Variants in AJUBA observed in about 807,000 individuals in gnomAD.
AJUBA encodes LIM domain-containing protein ajuba.
A neutral mutation model predicts 53.3 loss-of-function variants in AJUBA; 20 were observed. The ratio of observed to expected loss-of-function variants is 0.38; its 90% CI spans 0.26 to 0.55. The LOEUF is 0.55. Ranked by LOEUF, AJUBA falls within the 20% of genes least tolerant of loss-of-function variation. AJUBA has a pLI of 0.80. For missense variants in AJUBA, 580 were observed against 730.5 expected, an observed-to-expected ratio of 0.79 and a Z score of 2.38; for synonymous variants, 296 against 306.2, an observed-to-expected ratio of 0.97 and a Z score of 0.35.
intron 6 of AJUBA, 41 bp downstream of exon 6, chr14:22,974,798 G>A (rs2045019036): frequency 6.3e-7 from 1 of 1,592,836 alleles, no homozygotes; most frequent in Non-Finnish European, 8.6e-7. Context: ...CCCAAAGGCA[G>A]TGGCACTGGC....
chr14:22,976,260 C>T (rs1432776809), intron 4 of AJUBA, among the ~76,000 whole-genome samples, 196 bp downstream of exon 4: 2 of 151,918 alleles, frequency 1.3e-5, no homozygotes, highest in African/African-American at 2.4e-5. Flanking sequence ...CCTGGGTTGA[C>T]AGGCTTTTGA....
chr14:22,975,251 T>A, intron 4 of AJUBA, 147 bp from the exon 5 acceptor site: 1 of 1,157,122 alleles, frequency 8.6e-7, no homozygotes, highest in Non-Finnish European at 1.2e-6. Flanking sequence ...GAAGAAGTCG[T>A]AAAATGGAGG....
At position 22,972,165 on chromosome 14, in the gene AJUBA, A is replaced by T. The variant is rs1451175581; in HGVS notation, c.*1278T>A. The T allele has an allele frequency of 6.6e-6, 1 of 152,526 alleles. No homozygotes were observed. The allele number at this position is 152,526 out of a possible 1,614,324, so 9.4% of individuals were successfully genotyped here. On this transcript the variant is annotated 3_prime_UTR_variant, in exon 8 of 8. Coordinates refer to ENST00000262713, the MANE Select transcript of AJUBA (RefSeq NM_032876.6). ...TTTTAAGAGATCTAGCTTTAGGTGA[A>T]CTAGTTTCAAGCAAACTGACTAGTA...
chr14:22,976,013 A>C lies in AJUBA; in HGVS notation c.1239+443T>G, dbSNP rs138845994. On this transcript the variant is annotated intron_variant, in intron 4 of 7. Coordinates refer to ENST00000262713, the MANE Select transcript of AJUBA (RefSeq NM_032876.6). The stretch of plus-strand genomic sequence containing the variant: ...CCTTTTATCTACTAAACATACAAAA[A>C]TTAGCCAGGCATGGTGGCGCATGCC... 8.7e-3 allele frequency among the ~76,000 whole-genome samples: 1,318 copies of C among 152,078 alleles called. 22 individuals carry two copies. The highest frequency in any genetic ancestry group is 0.03 in the African/African-American group (1,248 of 41,450).
chr14:22,982,406 T>C lies in AJUBA; in HGVS notation c.-140A>G. 6.9e-7 allele frequency: 1 copy of C among 1,459,096 alleles called. No individual in the cohort carries two copies. The highest frequency in any genetic ancestry group is 9.0e-7 in the Non-Finnish European group (1 of 1,115,558). The allele number at this position is 1,459,096 out of a possible 1,614,324, so 90.4% of individuals were successfully genotyped here. ...ACAGGGGCTTAGCGGGCGGCCTGGA[T>C]GCCCTGCGCCAGGAATCCCACAGCA... On this transcript the variant is annotated 5_prime_UTR_variant, in exon 1 of 8. Coordinates refer to ENST00000262713, the MANE Select transcript of AJUBA (RefSeq NM_032876.6).
At chr14:22,980,079 C>T (rs1045104650) in intron 1 of AJUBA, among the ~76,000 whole-genome samples, 2 of 152,108 alleles carry the variant, frequency 1.3e-5, no homozygotes, top group African/African-American at 4.8e-5. Flanking sequence ...AACCATCCCT[C>T]CCTGGCCGCG....
At position 22,981,652 on chromosome 14, in the gene AJUBA, C is replaced by T. The variant is rs1380795233; in HGVS notation, c.615G>A (p.Pro205=). Residue 205 remains proline (P), a synonymous_variant, in exon 1 of 8, where the codon CCG becomes CCA. Transcript: ENST00000262713. ...YSPGGVPSAY[P]ELHAALDRLY... ...ATCGGTCCAGGGCGGCGTGGAGCTCCGGGTAGGCGGACGGGACCCCTCCGG... is the reference window on the plus strand; with the variant it reads ...ATCGGTCCAGGGCGGCGTGGAGCTCTGGGTAGGCGGACGGGACCCCTCCGG... 1.2e-5 allele frequency: 18 copies of T among 1,513,292 alleles called. No homozygotes were observed. The East Asian group carries it at 3.9e-4, about 33-fold the overall frequency. The allele number at this position is 1,513,292 out of a possible 1,614,324, so 93.7% of individuals were successfully genotyped here.
At chr14:22,981,218 C>A (rs375629237) in intron 1 of AJUBA, 43 bp downstream of exon 1, 2 of 1,542,188 alleles carry the variant, frequency 1.3e-6, no homozygotes, top group Non-Finnish European at 1.8e-6. Context: ...AACCGAATAC[C>A]GTGACGGGTC....
intron 2 of AJUBA, 76 bp from the exon 3 acceptor site, chr14:22,976,788 T>A: frequency 6.4e-7 from 1 of 1,567,528 alleles, no homozygotes. Context: ...TGCTCCCCGC[T>A]GCTGCATAAT....
At position 22,981,878 on chromosome 14, in the gene AJUBA, C is replaced by A; in HGVS notation, c.389G>T (p.Ser130Ile). 1 of 1,537,960 alleles carries A rather than the reference C, an allele frequency of 6.5e-7. No individual in the cohort carries two copies. The highest frequency in any genetic ancestry group is 1.2e-5 in the South Asian group (1 of 83,940). ...PRSSFASSSA[S>I]DASKPSSPRG... ...GGGGCTGGACGGCTTGCTCGCGTCG[C>A]TGGCCGAGCTACTGGCGAAGCTAGA... Residue 130 changes from serine (S) to isoleucine (I), a missense_variant, in exon 1 of 8, where the codon AGC becomes ATC. By Grantham distance (142) the Ser-to-Ile change is moderately radical. This residue lies in a region of AJUBA where 430 missense variants were observed against 471.5 expected (regional missense o/e 0.91). Transcript: ENST00000262713.
Position 22,979,947 on chromosome 14 carries a change from A to G in AJUBA, c.1006+1314T>C, listed in dbSNP as rs1301953045. On this transcript the variant is annotated intron_variant, in intron 1 of 7. Transcript: ENST00000262713. This position sits in a 1 kb window ranked among gnomAD's most constrained non-coding sequence, Gnocchi z 4.0. ...TCTTCCTTGATCAAAGCGGTTTGGC[A>G]TCATCTCCTCTGGGCTTTCCTCTCG... is the stretch of plus-strand genomic sequence containing the variant. Among the ~76,000 whole-genome samples, 2 of 150,156 alleles carry G rather than the reference A, an allele frequency of 1.3e-5. No individual in the cohort carries two copies. Among genetic ancestry groups the G allele is most frequent in the African/African-American group, 2.5e-5 (1 of 40,692 alleles).
chr14:22,974,164 C>T, intron 6 of AJUBA, 49 bp from the exon 7 acceptor site: 1 of 1,599,734 alleles, frequency 6.3e-7, no homozygotes, highest in Non-Finnish European at 8.6e-7. Context: ...GTTGCCTCAC[C>T]TCCACCTTTC....
chr14:22,981,801 G>C lies in AJUBA; in HGVS notation c.466C>G (p.Arg156Gly). Residue 156 changes from arginine (R) to glycine (G), a missense_variant, in exon 1 of 8, where the codon CGG becomes GGG. By Grantham distance (125) the Arg-to-Gly change is moderately radical. This residue lies in a region of AJUBA where 430 missense variants were observed against 471.5 expected (regional missense o/e 0.91). Coordinates refer to ENST00000262713, the MANE Select transcript of AJUBA (RefSeq NM_032876.6). ...CCGCTGGTGCGATTGCTGCAGGGCC[G>C]GCTACCTCCAGCTCCGCCAGCCCCC... ...GAGAGGAGGSRPCSNRTSGIS... is the reference protein window; with the variant it reads ...GAGAGGAGGSGPCSNRTSGIS... The C allele has an allele frequency of 6.5e-7, 1 of 1,533,840 alleles. No homozygotes were observed.
chr14:22,977,019 G>A, intron 2 of AJUBA: 1 of 1,257,384 alleles, frequency 8.0e-7, no homozygotes, highest in Non-Finnish European at 1.0e-6. Flanking sequence ...AAGCCACCTG[G>A]GAGAGTAAAG....
Position 22,982,512 on chromosome 14 carries a change from G to C in AJUBA, c.-246C>G. On this transcript the variant is annotated 5_prime_UTR_variant, in exon 1 of 8. Coordinates refer to ENST00000262713, the MANE Select transcript of AJUBA (RefSeq NM_032876.6). Reference sequence around the variant, plus strand: ...CAGGGTCTCTGGCCGCGGCTGTCCAGTCCGCAGGTCTATCTGTTCACGCGT... The same window carrying C: ...CAGGGTCTCTGGCCGCGGCTGTCCACTCCGCAGGTCTATCTGTTCACGCGT... 2 of 1,383,936 alleles carry C rather than the reference G, an allele frequency of 1.4e-6. No homozygotes were observed. The highest frequency in any genetic ancestry group is 3.0e-5 in the East Asian group (1 of 33,874). 85.7% of individuals were successfully genotyped at this position (1,383,936 alleles called of 1,614,324 possible).
chr14:22,979,339 C>G lies in AJUBA; in HGVS notation c.1007-894G>C, dbSNP rs973313869. ...CAACGGGCCTGCCCCACCTCTCCCCCTCGGCACGCTGCCACACTCCCTGCC... is the reference window on the plus strand; with the variant it reads ...CAACGGGCCTGCCCCACCTCTCCCCGTCGGCACGCTGCCACACTCCCTGCC... On this transcript the variant is annotated intron_variant, in intron 1 of 7. Transcript: ENST00000262713. This position sits in a 1 kb window ranked among gnomAD's most constrained non-coding sequence, Gnocchi z 4.0. Among the ~76,000 whole-genome samples, 1 of 152,248 alleles carries G rather than the reference C, an allele frequency of 6.6e-6. No individual in the cohort carries two copies. Among genetic ancestry groups the G allele is most frequent in the Non-Finnish European group, 1.5e-5 (1 of 68,032 alleles).
chr14:22,974,969 C>T lies in AJUBA; in HGVS notation c.1370+5G>A. On this transcript the variant is annotated splice_donor_5th_base_variant and intron_variant, in intron 5 of 7. Coordinates refer to ENST00000262713, the MANE Select transcript of AJUBA (RefSeq NM_032876.6). ...TCCACACTGCATCCCAAGGGGCAGA[C>T]TCACTTGTGGTAGTCGGTGACACAG... 2 of 1,614,104 alleles carry T rather than the reference C, an allele frequency of 1.2e-6. No homozygotes were observed. The highest frequency in any genetic ancestry group is 1.7e-6 in the Non-Finnish European group (2 of 1,179,914).
At position 22,976,522 on chromosome 14, in the gene AJUBA, A is replaced by G; in HGVS notation, c.1177-4T>C. The G allele has an allele frequency of 6.2e-7, 1 of 1,614,120 alleles. No homozygotes were observed. The highest frequency in any genetic ancestry group is 8.5e-7 in the Non-Finnish European group (1 of 1,180,010). On this transcript the variant is annotated splice_polypyrimidine_tract_variant and splice_region_variant and intron_variant, in intron 3 of 7. Transcript: ENST00000262713. ...CTGCCTCCTGAAACCCTGAAAACTA[A>G]AGTAAAAGACAAGACGAACGGAGGC... is the stretch of plus-strand genomic sequence containing the variant.
chr14:22,982,435 C>A lies in AJUBA; in HGVS notation c.-169G>T. 5 of 1,435,652 alleles carry A rather than the reference C, an allele frequency of 3.5e-6. No individual in the cohort carries two copies. The highest frequency in any genetic ancestry group is 4.5e-6 in the Non-Finnish European group (5 of 1,103,044). 88.9% of individuals were successfully genotyped at this position (1,435,652 alleles called of 1,614,324 possible). Reference sequence around the variant, plus strand: ...CTGCGCCAGGAATCCCACAGCATCCCCCAGCGGGAGGGGCTGCGTCCCCCC... The same window carrying A: ...CTGCGCCAGGAATCCCACAGCATCCACCAGCGGGAGGGGCTGCGTCCCCCC... On this transcript the variant is annotated 5_prime_UTR_variant, in exon 1 of 8. Coordinates refer to ENST00000262713, the MANE Select transcript of AJUBA (RefSeq NM_032876.6).
Sources: gnomAD v4.1 joint callset for allele counts (sites outside exome capture counted in the v4.1 genomes callset) on GRCh38, gnomAD v4.1.1 for gene constraint, gnomAD v4.1.1 regional missense constraint, Gnocchi (gnomAD v3.1) non-coding constraint, MANE v1.5 for transcripts, NCBI Gene and HGNC (gene_info 2026-07-23, HGNC 2026-07-21) for gene names.